The following ZNF644 variants were observed in gnomAD, a reference collection of about 807,000 sequenced individuals.
The protein encoded by ZNF644 is zinc finger motif enhancer binding protein 2.
Under a neutral mutation model 108.0 loss-of-function variants are expected in ZNF644, and 20 were observed. The ratio of observed to expected loss-of-function variants is 0.19; its 90% confidence interval spans 0.13 to 0.27. ZNF644 has a LOEUF of 0.27. Ranked by LOEUF, ZNF644 falls within the 10% of genes least tolerant of loss-of-function variation. The probability of loss-of-function intolerance (pLI) is 1.00; values close to 1 mark genes in which losing one functional copy is unlikely to be tolerated. For synonymous variants in ZNF644, 542 were observed against 539.1 expected (o/e 1.01, Z -0.08); for missense variants, 1,338 against 1,548.9 (o/e 0.86, Z 2.29).
chr1:91,006,523 C>T (rs966549693), intron 1 of ZNF644, among the ~76,000 whole-genome samples: 1 of 152,170 alleles, frequency 6.6e-6, no homozygotes, highest in African/African-American at 2.4e-5. Context: ...GGAACACTTC[C>T]TAACTCACTC....
At chr1:90,962,280 C>T (rs986948782) in intron 2 of ZNF644, among the ~76,000 whole-genome samples, 4 of 151,588 alleles carry the variant, frequency 2.6e-5, no homozygotes, top group Admixed American at 6.6e-5. Context: ...ATTAAAACAC[C>T]ATAGTGTTGG....
intron 1 of ZNF644, among the ~76,000 whole-genome samples, chr1:91,016,979 C>T (rs1465417410): frequency 2.6e-5 from 4 of 152,034 alleles, no homozygotes; most frequent in Non-Finnish European, 5.9e-5. Context: ...ACTACAGGCA[C>T]GTGCCACCAT....
At chr1:90,998,695 C>T (rs1373795958) in intron 1 of ZNF644, among the ~76,000 whole-genome samples, 1 of 152,190 alleles carries the variant, frequency 6.6e-6, no homozygotes, top group East Asian at 1.9e-4. Context: ...CAAAGCTGGA[C>T]AGAGAATGAC....
intron 4 of ZNF644, among the ~76,000 whole-genome samples, chr1:90,924,818 C>A (rs931443219): frequency 6.6e-6 from 1 of 151,976 alleles, no homozygotes; most frequent in Non-Finnish European, 1.5e-5. Flanking sequence ...CAAGAATTAA[C>A]CTCATTCTTC....
intron 2 of ZNF644, among the ~76,000 whole-genome samples, chr1:90,963,679 T>C (rs904932888): frequency 6.6e-6 from 1 of 152,154 alleles, no homozygotes; most frequent in African/African-American, 2.4e-5. Context: ...GACAAAATAA[T>C]ACTTCTGTAT....
intron 1 of ZNF644, among the ~76,000 whole-genome samples, chr1:90,983,147 T>C (rs1656732306): frequency 6.6e-6 from 1 of 152,142 alleles, no homozygotes; most frequent in African/African-American, 2.4e-5. Context: ...CTTTAAAAAA[T>C]AGCACCACCA....
chr1:90,962,472 G>A (rs1010072317), intron 2 of ZNF644, among the ~76,000 whole-genome samples: 1 of 151,958 alleles, frequency 6.6e-6, no homozygotes, highest in African/African-American at 2.4e-5. Context: ...GTGATTCTAT[G>A]CCTCACACAT....
chr1:90,953,592 A>G (rs1653423278), intron 2 of ZNF644, among the ~76,000 whole-genome samples: 1 of 152,064 alleles, frequency 6.6e-6, no homozygotes, highest in South Asian at 2.1e-4. Flanking sequence ...AGAAGCTATT[A>G]TGTCTAAAAA....
Position 90,940,751 on chromosome 1 carries a change from A to C in ZNF644, c.603T>G (p.Gly201=), listed in dbSNP as rs1325016837. Residue 201 remains glycine, a synonymous_variant, in exon 3 of 6, where the codon GGT becomes GGG. Transcript: ENST00000337393. ...NKKLPTSASV[G]CDIQNSVGSN... ...TCCCTACTGAATTCTGAATGTCACA[A>C]CCAACTGAAGCAGAGGTAGGTAGTT... 6.2e-7 allele frequency: 1 copy of C among 1,614,024 alleles called. No individual in the cohort carries two copies. Among genetic ancestry groups the C allele is most frequent in the South Asian group, 1.1e-5 (1 of 91,076 alleles).
At chr1:90,948,878 G>C (rs1652798471) in intron 2 of ZNF644, among the ~76,000 whole-genome samples, 1 of 151,978 alleles carries the variant, frequency 6.6e-6, no homozygotes, top group Admixed American at 6.6e-5. Context: ...AAATTCAAAG[G>C]TTCACAGATT....
intron 1 of ZNF644, among the ~76,000 whole-genome samples, chr1:90,984,061 T>C (rs910392497): frequency 2.0e-5 from 3 of 152,178 alleles, no homozygotes; most frequent in African/African-American, 4.8e-5. Flanking sequence ...ATGGATTCTC[T>C]TCTACAGCCT....
At chr1:90,998,699 G>A (rs1267929222) in intron 1 of ZNF644, among the ~76,000 whole-genome samples, 2 of 152,246 alleles carry the variant, frequency 1.3e-5, no homozygotes, top group African/African-American at 4.8e-5. Context: ...GCTGGACAGA[G>A]AATGACTTTG....
chr1:90,926,251 T>C (rs1650022090), intron 4 of ZNF644, among the ~76,000 whole-genome samples: 1 of 152,202 alleles, frequency 6.6e-6, no homozygotes, highest in African/African-American at 2.4e-5. Flanking sequence ...TTAATTTTAC[T>C]ATGATTAAAT....
rs1436805541 is a variant in ZNF644, at chr1:90,916,080, A to G, written c.*718T>C. On this transcript the variant is annotated 3_prime_UTR_variant, in exon 6 of 6. Coordinates refer to ENST00000337393, the MANE Select transcript of ZNF644 (RefSeq NM_201269.3). The stretch of plus-strand genomic sequence containing the variant: ...CATCTTTGTTGACAAAGTAGGAGGT[A>G]GCATGGATGCACCACTTTATTGTCT... 1 of 152,646 alleles carries G rather than the reference A, an allele frequency of 6.6e-6. No homozygotes were observed. The highest frequency in any genetic ancestry group is 2.1e-4 in the South Asian group (1 of 4,836). 9.5% of individuals were successfully genotyped at this position (152,646 alleles called of 1,614,324 possible). A position where few individuals can be genotyped will look rare whatever the true frequency, so the allele number is the denominator to read the frequency against.
intron 4 of ZNF644, among the ~76,000 whole-genome samples, chr1:90,923,473 C>T (rs1649699356): frequency 1.3e-5 from 2 of 152,102 alleles, no homozygotes; most frequent in Admixed American, 6.6e-5. Context: ...CTTCATTATT[C>T]CCAAGATGAG....
At position 90,916,500 on chromosome 1, in the gene ZNF644, A is replaced by T. The variant is rs138994338; in HGVS notation, c.*298T>A. On this transcript the variant is annotated 3_prime_UTR_variant, in exon 6 of 6. Transcript: ENST00000337393. ...ACATAATTGTCCAATAAGTCTGTCT[A>T]TAAGTATCCATGTGCAACAGTTTAT... 3 of 385,982 alleles carry T rather than the reference A, an allele frequency of 7.8e-6. No individual in the cohort carries two copies. The highest frequency in any genetic ancestry group is 9.6e-6 in the Non-Finnish European group (2 of 208,030). The allele number at this position is 385,982 out of a possible 1,614,324, so 23.9% of individuals were successfully genotyped here.
chr1:90,998,097 C>T (rs1297417710), intron 1 of ZNF644, among the ~76,000 whole-genome samples: 1 of 152,218 alleles, frequency 6.6e-6, no homozygotes, highest in Non-Finnish European at 1.5e-5. Flanking sequence ...GCCTGCCTGC[C>T]TCTGTAGACT....
At chr1:90,967,899 A>C (rs921559572) in intron 2 of ZNF644, among the ~76,000 whole-genome samples, 1 of 150,504 alleles carries the variant, frequency 6.6e-6, no homozygotes, top group African/African-American at 2.4e-5. Flanking sequence ...AAATACAAAA[A>C]AAAAAAAAAA....
rs182238911 is a variant in ZNF644, at chr1:90,930,873, A to G, written c.3688+6612T>C. Among the ~76,000 whole-genome samples the G allele has an allele frequency of 1.9e-4, 29 of 152,282 alleles. No individual in the cohort carries two copies. The East Asian group carries it at 5.0e-3, about 26-fold the overall frequency. On this transcript the variant is annotated intron_variant, in intron 4 of 5. Coordinates refer to ENST00000337393, the MANE Select transcript of ZNF644 (RefSeq NM_201269.3). ...TCATCTGACAGATCTACTTCCTTTA[A>G]CAACATTCTCTCTACTCTGTATTTC...
Sources: allele counts gnomAD v4.1 joint callset (sites outside exome capture counted in the v4.1 genomes callset), GRCh38; gene constraint gnomAD v4.1.1; transcripts MANE v1.5; gene names NCBI Gene and HGNC (gene_info 2026-07-23, HGNC 2026-07-21).